Variants in CA9 observed in about 807,000 individuals in gnomAD.
CA9 encodes carbonic anhydrase 9, also known as CA-IX.
Under a neutral mutation model 51.8 loss-of-function variants are expected in CA9, and 43 were observed. The observed-to-expected ratio is 0.83, with a 90% CI of 0.65 to 1.07. The LOEUF is 1.07. Ranked by LOEUF, CA9 falls within the 50% of genes least tolerant of loss-of-function variation. The pLI, the probability that CA9 is intolerant of heterozygous loss-of-function variation, is 0.00. For missense variants in CA9, 574 were observed against 581.4 expected (o/e 0.99, Z 0.13); for synonymous variants, 253 against 244.2 (o/e 1.04, Z -0.34).
chr9:35,680,782 C>A lies in CA9; in HGVS notation c.1267C>A (p.Leu423Ile), dbSNP rs770739711. Residue 423 changes from leucine to isoleucine, a missense_variant, in exon 10 of 11, where the codon CTT becomes ATT. Coordinates refer to ENST00000378357, the MANE Select transcript of CA9 (RefSeq NM_001216.3). ...GDILALVFGL[L>I]FAVTSVAFLV... The stretch of plus-strand genomic sequence containing the variant: ...CATCCTAGCCCTGGTTTTTGGCCTC[C>A]TTTTTGCTGTCACCAGCGTCGCGTT... 6.2e-7 allele frequency: 1 copy of A among 1,614,234 alleles called. No homozygotes were observed. Among genetic ancestry groups the A allele is most frequent in the South Asian group, 1.1e-5 (1 of 91,084 alleles).
Position 35,681,047 on chromosome 9 carries a change from G to T in CA9, c.*22G>T. The T allele has an allele frequency of 6.2e-7, 1 of 1,611,228 alleles. No individual in the cohort carries two copies. On this transcript the variant is annotated 3_prime_UTR_variant, in exon 11 of 11. Coordinates refer to ENST00000378357, the MANE Select transcript of CA9 (RefSeq NM_001216.3). ...CTAGAGGCTGGATCTTGGAGAATGTGAGAAGCCAGCCAGAGGCATCTGAGG... is the reference window on the plus strand; with the variant it reads ...CTAGAGGCTGGATCTTGGAGAATGTTAGAAGCCAGCCAGAGGCATCTGAGG...
chr9:35,680,918 C>T, intron 10 of CA9, 47 bp from the exon 11 acceptor site: 1 of 1,611,608 alleles, frequency 6.2e-7, no homozygotes, highest in South Asian at 1.1e-5. Flanking sequence ...AAATGAGCTG[C>T]TCCTGGGCCA....
rs771788431 is a variant in CA9 at position 35,674,204 on chromosome 9, A to C, written c.245A>C (p.Asp82Ala). The C allele has an allele frequency of 9.3e-6, 14 of 1,513,346 alleles. No individual in the cohort carries two copies. Among genetic ancestry groups the C allele is most frequent in the African/African-American group, 1.6e-5 (1 of 62,222 alleles). 93.7% of individuals were successfully genotyped at this position (1,513,346 alleles called of 1,614,324 possible). A position where few individuals can be genotyped will look rare whatever the true frequency, so the allele number is the denominator to read the frequency against. Reference sequence around the variant, plus strand: ...GAGGAGGATCCACCCGGAGAGGAGGATCTACCTGGAGAGGAGGATCTACCT... The same window carrying C: ...GAGGAGGATCCACCCGGAGAGGAGGCTCTACCTGGAGAGGAGGATCTACCT... ...PREEDPPGEE[D>A]LPGEEDLPGE... The change falls in exon 1 of 11, where the codon GAT (aspartate) becomes GCT (alanine). Residue 82 changes from aspartate to alanine, a missense_variant. Coordinates refer to ENST00000378357, the MANE Select transcript of CA9 (RefSeq NM_001216.3).
rs116967653 is a variant in CA9, at chr9:35,679,146, G to A, written c.908-39G>A. ...CTATACCCTGAAGCTTTAAGGGGGT[G>A]CAATGTAGATGAGACCCCAACATAG... On this transcript the variant is annotated intron_variant, in intron 6 of 10. Transcript: ENST00000378357. 4,395 of 1,609,870 alleles carry A rather than the reference G, an allele frequency of 2.7e-3. 163 individuals carry two copies. In the East Asian group the frequency reaches 0.081, roughly 30 times the overall value.
Position 35,679,144 on chromosome 9 carries a change from G to T in CA9, c.908-41G>T, listed in dbSNP as rs761183205. On this transcript the variant is annotated intron_variant, in intron 6 of 10. Coordinates refer to ENST00000378357, the MANE Select transcript of CA9 (RefSeq NM_001216.3). ...CCCTATACCCTGAAGCTTTAAGGGGGTGCAATGTAGATGAGACCCCAACAT... is the reference window on the plus strand; with the variant it reads ...CCCTATACCCTGAAGCTTTAAGGGGTTGCAATGTAGATGAGACCCCAACAT... 10 of 1,610,816 alleles carry T rather than the reference G, an allele frequency of 6.2e-6. No individual in the cohort carries two copies. In the East Asian group the frequency reaches 8.9e-5, roughly 14 times the overall value.
At chr9:35,676,039 G>T (rs1045055332) in intron 3 of CA9, 25 bp from the exon 4 acceptor site, 1 of 1,610,790 alleles carries the variant, frequency 6.2e-7, no homozygotes, top group African/African-American at 1.3e-5. Flanking sequence ...GGGCGGGGCC[G>T]GCTCACTTGC....
chr9:35,674,396 A>G (rs761837635), intron 1 of CA9, 34 bp downstream of exon 1: 2 of 1,579,638 alleles, frequency 1.3e-6, no homozygotes, highest in South Asian at 2.4e-5. Context: ...TCCAGGTTCC[A>G]GGAGGTTCAT....
Position 35,676,299 on chromosome 9 carries a change from C to G in CA9, c.750C>G (p.Ile250Met). The change falls in exon 5 of 11, where the codon ATC becomes ATG. Residue 250 changes from isoleucine (I) to methionine (M), a missense_variant and splice_region_variant. Coordinates refer to ENST00000378357, the MANE Select transcript of CA9 (RefSeq NM_001216.3). ...TCCTACCCTCGTGTCCTTTTCAGAT[C>G]CACGTGGTTCACCTCAGCACCGCCT... ...TVEGHRFPAE[I>M]HVVHLSTAFA... 6.2e-7 allele frequency: 1 copy of G among 1,614,080 alleles called. No homozygotes were observed. The highest frequency in any genetic ancestry group is 8.5e-7 in the Non-Finnish European group (1 of 1,180,024).
Position 35,679,933 on chromosome 9 carries a change from A to G in CA9, c.1145A>G (p.Asn382Ser), listed in dbSNP as rs1563923645. Residue 382 changes from asparagine to serine, a missense_variant, in exon 8 of 11, where the codon AAT becomes AGT. Coordinates refer to ENST00000378357, the MANE Select transcript of CA9 (RefSeq NM_001216.3). ...AACTTCCGAGCGACGCAGCCTTTGA[A>G]TGGGCGAGTGATTGAGGCCTCCTTC... ...QLNFRATQPLNGRVIEASFPA... is the reference protein window; with the variant it reads ...QLNFRATQPLSGRVIEASFPA... 1.2e-6 allele frequency: 2 copies of G among 1,614,008 alleles called. No individual in the cohort carries two copies. The highest frequency in any genetic ancestry group is 1.7e-5 in the Admixed American group (1 of 59,968).
chr9:35,677,719 C>T (rs905216673), intron 5 of CA9, 71 bp from the exon 6 acceptor site: 1 of 1,187,284 alleles, frequency 8.4e-7, no homozygotes, highest in Non-Finnish European at 1.3e-6. Context: ...TGGGAACCCC[C>T]CTTCATGTTC....
rs775198289 is a variant in CA9, at chr9:35,674,103, C to T, written c.144C>T (p.Pro48=). ...TGCCCCGGATGCAGGAGGATTCCCC[C>T]TTGGGAGGAGGCTCTTCTGGGGAAG... is the stretch of plus-strand genomic sequence containing the variant. ...QRLPRMQEDS[P]LGGGSSGEDD... is the part of the protein sequence containing the mutation. Residue 48 remains proline, a synonymous_variant, in exon 1 of 11, where the codon CCC becomes CCT. Transcript: ENST00000378357. 4 of 1,614,140 alleles carry T rather than the reference C, an allele frequency of 2.5e-6. No individual in the cohort carries two copies. The highest frequency in any genetic ancestry group is 3.3e-4 in the Middle Eastern group (2 of 6,062).
intron 1 of CA9, 152 bp from the exon 2 acceptor site, chr9:35,675,386 G>T: frequency 1.3e-6 from 1 of 756,352 alleles, no homozygotes; most frequent in Non-Finnish European, 2.3e-6. Flanking sequence ...GTTGAGTTTG[G>T]GTGCGGTCTC....
Position 35,676,045 on chromosome 9 carries a change from C to CT in CA9, c.605-17dup. The CT allele has an allele frequency of 6.2e-7, 1 of 1,612,044 alleles. No homozygotes were observed. The highest frequency in any genetic ancestry group is 1.1e-5 in the South Asian group (1 of 90,950). The stretch of plus-strand genomic sequence containing the variant: ...GGCCCTACCGGGCGGGGCCGGCTCA[C>CT]TTGCCTCTCCCTACGCAGTGCAACT... On this transcript the variant is annotated intron_variant, in intron 3 of 10. Transcript: ENST00000378357.
rs376408001 is a variant in CA9, at chr9:35,677,819, G to A, written c.870G>A (p.Glu290=). 1.2e-6 allele frequency: 2 copies of A among 1,614,156 alleles called. No homozygotes were observed. The highest frequency in any genetic ancestry group is 1.1e-5 in the South Asian group (1 of 91,082). Residue 290 remains glutamate (E), a synonymous_variant, in exon 6 of 11, where the codon GAG becomes GAA. Transcript: ENST00000378357. ...EEGPEENSAY[E]QLLSRLEEIA... ...GCCCGGAAGAAAACAGTGCCTATGAGCAGTTGCTGTCTCGCTTGGAAGAAA... is the reference window on the plus strand; with the variant it reads ...GCCCGGAAGAAAACAGTGCCTATGAACAGTTGCTGTCTCGCTTGGAAGAAA...
chr9:35,680,069 T>C, intron 8 of CA9, 44 bp from the exon 9 acceptor site: 1 of 1,614,184 alleles, frequency 6.2e-7, no homozygotes, highest in Non-Finnish European at 8.5e-7. Flanking sequence ...GTGTCTGTCA[T>C]TGGTGGTCAC....
chr9:35,679,159 G>A, intron 6 of CA9, 26 bp from the exon 7 acceptor site: 2 of 1,613,136 alleles, frequency 1.2e-6, no homozygotes, highest in African/African-American at 2.7e-5. Flanking sequence ...ATGTAGATGA[G>A]ACCCCAACAT....
chr9:35,680,004 G>A lies in CA9; in HGVS notation c.1210+6G>A. 5 of 1,614,216 alleles carry A rather than the reference G, an allele frequency of 3.1e-6. No homozygotes were observed. The highest frequency in any genetic ancestry group is 4.2e-6 in the Non-Finnish European group (5 of 1,180,050). Reference sequence around the variant, plus strand: ...TCCTCGGGCTGCTGAGCCAGGTACAGCTTTGTCTGGTTTCCCCCCAGCCAG... The same window carrying A: ...TCCTCGGGCTGCTGAGCCAGGTACAACTTTGTCTGGTTTCCCCCCAGCCAG... On this transcript the variant is annotated splice_donor_region_variant and intron_variant, in intron 8 of 10. Transcript: ENST00000378357.
chr9:35,679,238 T>G lies in CA9; in HGVS notation c.961T>G (p.Phe321Val). The G allele has an allele frequency of 6.2e-7, 1 of 1,614,188 alleles. No homozygotes were observed. Among genetic ancestry groups the G allele is most frequent in the Non-Finnish European group, 8.5e-7 (1 of 1,180,034 alleles). ...LDISALLPSD[F>V]SRYFQYEGSL... is the part of the protein sequence containing the mutation. ...CATATCTGCACTCCTGCCCTCTGAC[T>G]TCAGCCGCTACTTCCAATATGAGGG... Residue 321 changes from phenylalanine to valine, a missense_variant, in exon 7 of 11, where the codon TTC becomes GTC. Transcript: ENST00000378357.
chr9:35,678,265 G>A lies in CA9; in HGVS notation c.907+409G>A, dbSNP rs377210454. On this transcript the variant is annotated intron_variant, in intron 6 of 10. Transcript: ENST00000378357. ...GGAGGCTGAGGCAGGAGAATGGCAT[G>A]AACCCGGGAGGCAGAAGTTGCAGTG... 6.5e-4 allele frequency among the ~76,000 whole-genome samples: 98 copies of A among 149,622 alleles called. No individual in the cohort carries two copies. In the East Asian group the frequency reaches 9.2e-3, roughly 14 times the overall value.
Sources: allele counts gnomAD v4.1 joint callset (sites outside exome capture counted in the v4.1 genomes callset), GRCh38; gene constraint gnomAD v4.1.1; transcripts MANE v1.5; gene names NCBI Gene and HGNC (gene_info 2026-07-23, HGNC 2026-07-21).